The following ZRANB3 variants were observed in gnomAD, a reference collection of about 807,000 sequenced individuals.
ZRANB3 encodes the protein zinc finger RANBP2-type containing 3, also known as DNA annealing helicase and endonuclease ZRANB3.
Under a neutral mutation model 133.8 loss-of-function variants are expected in ZRANB3, and 125 were observed. The observed-to-expected ratio is 0.93, with a 90% confidence interval of 0.81 to 1.08. The LOEUF is 1.08. Ranked by LOEUF, ZRANB3 falls within the 50% of genes least tolerant of loss-of-function variation. The pLI is 0.00. For missense variants in ZRANB3, 1,229 were observed against 1,275.5 expected (o/e 0.96, Z 0.56); for synonymous variants, 387 against 432.7 (o/e 0.89, Z 1.31).
chr2:135,364,697 A>C (rs990678045), intron 3 of ZRANB3, among the ~76,000 whole-genome samples: 4 of 152,128 alleles, frequency 2.6e-5, no homozygotes, highest in African/African-American at 9.7e-5. Context: ...GGTTGCAGTG[A>C]GCTGAGATTG....
intron 2 of ZRANB3, among the ~76,000 whole-genome samples, chr2:135,444,993 A>G (rs987263150): frequency 1.3e-5 from 2 of 152,202 alleles, no homozygotes; most frequent in Admixed American, 6.6e-5. Flanking sequence ...TGTTATGGTT[A>G]GCATGAAAAC....
intron 2 of ZRANB3, among the ~76,000 whole-genome samples, chr2:135,432,302 A>T (rs553379288): frequency 6.6e-6 from 1 of 152,302 alleles, no homozygotes; most frequent in South Asian, 2.1e-4. Context: ...AATTTTAAAG[A>T]TTCAAATATT....
intron 15 of ZRANB3, among the ~76,000 whole-genome samples, chr2:135,219,568 C>G (rs1198954302): frequency 6.6e-6 from 1 of 152,178 alleles, no homozygotes; most frequent in Non-Finnish European, 1.5e-5. Flanking sequence ...AGTAGCACAA[C>G]CATTCCAAAT....
At chr2:135,249,155 A>T (rs1001945686) in intron 12 of ZRANB3, among the ~76,000 whole-genome samples, 2 of 152,202 alleles carry the variant, frequency 1.3e-5, no homozygotes, top group Non-Finnish European at 2.9e-5. Context: ...TGGGAGTGTA[A>T]ATTAGTTCAA....
At chr2:135,325,520 T>G (rs1344491080) in intron 6 of ZRANB3, among the ~76,000 whole-genome samples, 1 of 152,112 alleles carries the variant, frequency 6.6e-6, no homozygotes, top group Non-Finnish European at 1.5e-5. Flanking sequence ...CCTCAGCCTG[T>G]AGCTGCGACT....
chr2:135,301,458 T>A (rs1049373959), intron 8 of ZRANB3, among the ~76,000 whole-genome samples: 2 of 152,150 alleles, frequency 1.3e-5, no homozygotes, highest in Middle Eastern at 3.2e-3. Context: ...AGTGCTGGGA[T>A]TACAGGCATG....
At chr2:135,231,060 T>C in intron 12 of ZRANB3, 133 bp from the exon 13 acceptor site, 2 of 682,228 alleles carry the variant, frequency 2.9e-6, no homozygotes, top group Non-Finnish European at 4.4e-6. Flanking sequence ...AATGAATTCA[T>C]TATGCTCTGA....
intron 2 of ZRANB3, among the ~76,000 whole-genome samples, chr2:135,494,965 T>G (rs1692598493): frequency 4.6e-5 from 7 of 152,234 alleles, no homozygotes; most frequent in Admixed American, 4.6e-4. Flanking sequence ...CCATGTGCAA[T>G]GGCTCATGCC....
intron 12 of ZRANB3, among the ~76,000 whole-genome samples, chr2:135,258,800 A>G (rs1679791092): frequency 6.6e-6 from 1 of 152,354 alleles, no homozygotes; most frequent in East Asian, 1.9e-4. Context: ...ATATTCAGAA[A>G]GAAGAGATTT....
chr2:135,380,115 T>C (rs1409997055), intron 3 of ZRANB3, among the ~76,000 whole-genome samples: 1 of 152,142 alleles, frequency 6.6e-6, no homozygotes, highest in Non-Finnish European at 1.5e-5. Flanking sequence ...GACTTAACTA[T>C]CCTAAATATA....
chr2:135,382,954 A>T (rs1297186035), intron 3 of ZRANB3, among the ~76,000 whole-genome samples: 2 of 152,342 alleles, frequency 1.3e-5, no homozygotes, highest in African/African-American at 4.8e-5. Flanking sequence ...ATAATCAGCT[A>T]ACATCATAAT....
At chr2:135,467,842 G>A (rs546150345) in intron 2 of ZRANB3, among the ~76,000 whole-genome samples, 21 of 152,220 alleles carry the variant, frequency 1.4e-4, no homozygotes, top group Middle Eastern at 3.4e-3. Context: ...GCACTGGCTT[G>A]GAATCAAAAT....
intron 1 of ZRANB3, among the ~76,000 whole-genome samples, chr2:135,514,157 GT>G (rs1693599768): frequency 6.6e-6 from 1 of 152,090 alleles, no homozygotes; most frequent in Non-Finnish European, 1.5e-5. Flanking sequence ...ATTTAAAGTA[GT>G]TTTTTCTAAG....
chr2:135,272,036 T>C lies in ZRANB3; in HGVS notation c.1087-149A>G, dbSNP rs949850717. On this transcript the variant is annotated intron_variant, in intron 9 of 20. Transcript: ENST00000264159. ...TGGTAAATGTTATACAAGAAGAATC[T>C]TAACCAAGATTTTTAATAGCTTCTT... 6.9e-6 allele frequency: 6 copies of C among 864,528 alleles called. No homozygotes were observed. In the African/African-American group the frequency reaches 1.0e-4, roughly 15 times the overall value. 53.6% of individuals were successfully genotyped at this position (864,528 alleles called of 1,614,324 possible). A position where few individuals can be genotyped will look rare whatever the true frequency, so the allele number is the denominator to read the frequency against.
At chr2:135,418,834 A>G (rs2104965632) in intron 2 of ZRANB3, among the ~76,000 whole-genome samples, 1 of 152,108 alleles carries the variant, frequency 6.6e-6, no homozygotes, top group South Asian at 2.1e-4. Context: ...GACACTACAA[A>G]GAGGCTGAGA....
chr2:135,352,059 C>T (rs958894178), intron 4 of ZRANB3, among the ~76,000 whole-genome samples: 5 of 152,168 alleles, frequency 3.3e-5, no homozygotes, highest in Admixed American at 2.0e-4. Flanking sequence ...CAGCCAGGTG[C>T]AGTGGCTCAC....
At chr2:135,396,350 A>G (rs1300530925) in intron 2 of ZRANB3, among the ~76,000 whole-genome samples, 1 of 152,152 alleles carries the variant, frequency 6.6e-6, no homozygotes, top group Non-Finnish European at 1.5e-5. Flanking sequence ...TATCAAAGAG[A>G]TATCTACACT....
intron 13 of ZRANB3, 116 bp from the exon 14 acceptor site, chr2:135,228,131 C>T (rs936762275): frequency 1.1e-6 from 1 of 897,906 alleles, no homozygotes; most frequent in Non-Finnish European, 1.6e-6. Context: ...TTCATATGTT[C>T]AAAACATTTA....
intron 12 of ZRANB3, among the ~76,000 whole-genome samples, chr2:135,236,475 T>C (rs1055235551): frequency 2.6e-5 from 4 of 151,994 alleles, no homozygotes; most frequent in Admixed American, 2.0e-4. Context: ...GAACCCACAT[T>C]GCCAAGTCAA....
Sources: gnomAD v4.1 joint callset for allele counts (sites outside exome capture counted in the v4.1 genomes callset) on GRCh38, gnomAD v4.1.1 for gene constraint, MANE v1.5 for transcripts, NCBI Gene and HGNC (gene_info 2026-07-23, HGNC 2026-07-21) for gene names.